Variants in SNX27 observed in about 807,000 individuals in gnomAD.
SNX27 encodes sorting nexin-27.
SNX27 carries 22 observed loss-of-function variants against 71.6 expected under a neutral mutation model. The observed-to-expected ratio is 0.31, with a 90% CI of 0.22 to 0.44. The LOEUF is 0.44. Among genes scored for constraint, SNX27 ranks in the 20% least tolerant of loss-of-function variants. The pLI is 1.00. For synonymous variants in SNX27, 269 were observed against 277.2 expected, an observed-to-expected ratio of 0.97 and a Z score of 0.29; for missense variants, 531 against 698.6, an observed-to-expected ratio of 0.76 and a Z score of 2.70.
chr1:151,634,034 A>T lies in SNX27; in HGVS notation c.312-4854A>T, dbSNP rs181209594. Among the ~76,000 whole-genome samples the T allele has an allele frequency of 4.8e-3, 717 of 150,938 alleles. 4 individuals are homozygous for T. Among genetic ancestry groups the T allele is most frequent in the Non-Finnish European group, 8.3e-3 (562 of 67,832 alleles). On this transcript the variant is annotated intron_variant, in intron 1 of 11. Coordinates refer to ENST00000458013, the MANE Select transcript of SNX27 (RefSeq NM_001330723.2). ...AATTGCTGGGTCTTGTAGTAAATGTATGTTTAACATTATGAGAAACTGCTA... is the reference window on the plus strand; with the variant it reads ...AATTGCTGGGTCTTGTAGTAAATGTTTGTTTAACATTATGAGAAACTGCTA...
chr1:151,686,067 G>A lies in SNX27; in HGVS notation c.1239+2622G>A, dbSNP rs184980867. On this transcript the variant is annotated intron_variant, in intron 8 of 11. Transcript: ENST00000458013. ...TGGTGAAAAGGGCCAAATACTAACA[G>A]GCCATCAACTTCTGCAGTAATCCTT... Among the ~76,000 whole-genome samples the A allele has an allele frequency of 2.0e-3, 303 of 152,312 alleles. 2 individuals carry two copies. The highest frequency in any genetic ancestry group is 0.01 in the Middle Eastern group (3 of 294).
At chr1:151,644,508 C>A (rs1208811883) in intron 2 of SNX27, among the ~76,000 whole-genome samples, 1 of 152,152 alleles carries the variant, frequency 6.6e-6, no homozygotes, top group Admixed American at 6.5e-5. Flanking sequence ...TTTTATTTAT[C>A]CATTCTTCAA....
At chr1:151,693,617 C>T (rs762461355) in intron 11 of SNX27, 134 bp downstream of exon 11, 1 of 1,613,914 alleles carries the variant, frequency 6.2e-7, no homozygotes, top group East Asian at 2.2e-5. Context: ...GACTGATTAT[C>T]TCATGTGAGC....
At chr1:151,670,102 TG>T (rs780971348) in intron 7 of SNX27, among the ~76,000 whole-genome samples, 2 of 152,160 alleles carry the variant, frequency 1.3e-5, no homozygotes, top group Non-Finnish European at 2.9e-5. Context: ...TGGGTTCAAT[TG>T]TTTTGATTTT....
chr1:151,662,309 G>A (rs1249390003), intron 5 of SNX27, 39 bp downstream of exon 5: 6 of 1,368,086 alleles, frequency 4.4e-6, no homozygotes, highest in Admixed American at 1.7e-5. Context: ...ATTGGATGGT[G>A]TGAAGCTAAG....
Position 151,641,598 on chromosome 1 carries a change from GATATATATATAT to G in SNX27, c.543+2500_543+2511del, listed in dbSNP as rs56886589. ...TTCTGGTTCTACAAGTCCTTTATCAGATATATATATATATATATATATATATATATATCATAT... is the reference window on the plus strand; with the variant it reads ...TTCTGGTTCTACAAGTCCTTTATCAGATATATATATATATATATATCATAT... On this transcript the variant is annotated intron_variant, in intron 2 of 11. Transcript: ENST00000458013. Among the ~76,000 whole-genome samples the G allele has an allele frequency of 1.4e-3, 112 of 79,010 alleles. 3 individuals are homozygous for G. The highest frequency in any genetic ancestry group is 4.5e-3 in the African/African-American group (102 of 22,600). The allele number at this position is 79,010 out of a possible 152,430, so 51.8% of individuals were successfully genotyped here.
At position 151,612,600 on chromosome 1, in the gene SNX27, A is replaced by G; in HGVS notation, c.311+88A>G. 1.0e-6 allele frequency: 1 copy of G among 968,492 alleles called. No homozygotes were observed. Among genetic ancestry groups the G allele is most frequent in the Non-Finnish European group, 1.3e-6 (1 of 779,172 alleles). 60.0% of individuals were successfully genotyped at this position (968,492 alleles called of 1,614,324 possible). A position where few individuals can be genotyped will look rare whatever the true frequency, so the allele number is the denominator to read the frequency against. On this transcript the variant is annotated intron_variant, in intron 1 of 11. Transcript: ENST00000458013. This position sits in a 1 kb window ranked among gnomAD's most constrained non-coding sequence, Gnocchi z 5.2. ...GCTACCCTTGTCACCCCCAGGCCGCACCTCCCCCGAGCTCCGAGCCGGCCT... is the reference window on the plus strand; with the variant it reads ...GCTACCCTTGTCACCCCCAGGCCGCGCCTCCCCCGAGCTCCGAGCCGGCCT...
intron 5 of SNX27, among the ~76,000 whole-genome samples, chr1:151,664,517 G>T (rs1046983398): frequency 2.0e-5 from 3 of 152,030 alleles, no homozygotes; most frequent in African/African-American, 7.2e-5. Context: ...GTGAGAAACT[G>T]TATTTAGAGA....
intron 2 of SNX27, among the ~76,000 whole-genome samples, chr1:151,650,681 G>A (rs1186130700): frequency 6.6e-6 from 1 of 152,026 alleles, no homozygotes; most frequent in African/African-American, 2.4e-5. Flanking sequence ...GGACAATAGT[G>A]GAGGGAAGGT....
At chr1:151,622,461 G>A (rs1206068416) in intron 1 of SNX27, among the ~76,000 whole-genome samples, 1 of 152,150 alleles carries the variant, frequency 6.6e-6, no homozygotes, top group Non-Finnish European at 1.5e-5. Context: ...TAGTGTAATA[G>A]AACTTCAGAA....
chr1:151,677,229 A>T (rs1315015206), intron 7 of SNX27: 1 of 152,180 alleles, frequency 6.6e-6, no homozygotes, highest in African/African-American at 2.4e-5. Flanking sequence ...CACCATTTTA[A>T]TTAAATGTTG....
intron 8 of SNX27, among the ~76,000 whole-genome samples, chr1:151,689,258 C>T (rs373041706): frequency 2.8e-4 from 43 of 152,216 alleles, no homozygotes; most frequent in African/African-American, 9.9e-4. Flanking sequence ...CCTAAGATGA[C>T]GTAGCTTCTC....
At chr1:151,614,283 C>T (rs1274693295) in intron 1 of SNX27, 1 of 152,072 alleles carries the variant, frequency 6.6e-6, no homozygotes, top group East Asian at 1.9e-4. Flanking sequence ...CATTAATGTC[C>T]TACATACTGT....
chr1:151,629,047 C>A (rs1668075593), intron 1 of SNX27, among the ~76,000 whole-genome samples: 1 of 152,012 alleles, frequency 6.6e-6, no homozygotes, highest in Non-Finnish European at 1.5e-5. Context: ...TAGCTGAGAT[C>A]TCATTGCCAA....
At position 151,693,491 on chromosome 1, in the gene SNX27, T is replaced by TA; in HGVS notation, c.1578+8_1578+9insA. Reference sequence around the variant, plus strand: ...CTCAAGTGGAGAAAAGAGGTAATTCTGAACAGTCCTTGAATTGACCTTTTC... The same window carrying TA: ...CTCAAGTGGAGAAAAGAGGTAATTCTAGAACAGTCCTTGAATTGACCTTTTC... On this transcript the variant is annotated intron_variant, in intron 11 of 11. Transcript: ENST00000458013. 1 of 1,614,126 alleles carries TA rather than the reference T, an allele frequency of 6.2e-7. No individual in the cohort carries two copies. Among genetic ancestry groups the TA allele is most frequent in the Non-Finnish European group, 8.5e-7 (1 of 1,179,936 alleles).
chr1:151,623,532 G>A (rs912954170), intron 1 of SNX27, among the ~76,000 whole-genome samples: 3 of 152,114 alleles, frequency 2.0e-5, no homozygotes, highest in Admixed American at 1.3e-4. Flanking sequence ...AAAATGCTGA[G>A]ATTACAGGCA....
intron 1 of SNX27, chr1:151,615,617 TGGGGTCAGAATTA>T: frequency 1.2e-6 from 1 of 830,560 alleles, no homozygotes; most frequent in Non-Finnish European, 1.5e-6. Context: ...AAGAGCCAGG[TGGGGTCAGAATTA>T]GGGATAGGTG....
chr1:151,683,870 T>C (rs1030930359), intron 8 of SNX27, among the ~76,000 whole-genome samples: 1 of 152,210 alleles, frequency 6.6e-6, no homozygotes, highest in Non-Finnish European at 1.5e-5. Flanking sequence ...TTTTGCCATG[T>C]TGGCCAGGCT....
At chr1:151,691,466 G>GTT (rs553869904) in intron 8 of SNX27, among the ~76,000 whole-genome samples, 7 of 132,596 alleles carry the variant, frequency 5.3e-5, no homozygotes, top group East Asian at 2.2e-4. Context: ...TGTTTTTCTG[G>GTT]TTTTTTTTTT....
Sources: gnomAD v4.1 joint callset for allele counts (sites outside exome capture counted in the v4.1 genomes callset) on GRCh38, gnomAD v4.1.1 for gene constraint, Gnocchi (gnomAD v3.1) non-coding constraint, MANE v1.5 for transcripts, NCBI Gene and HGNC (gene_info 2026-07-23, HGNC 2026-07-21) for gene names.